LYST: variants seen among roughly 807,000 people sequenced by gnomAD.
LYST encodes the protein lysosomal trafficking regulator, also known as lysosomal-trafficking regulator.
LYST carries 192 observed loss-of-function variants against 413.6 expected under a neutral mutation model. That is an observed-to-expected ratio of 0.46 (90% CI 0.41 to 0.52). The LOEUF is 0.52. Ranked by LOEUF, LYST falls within the 20% of genes least tolerant of loss-of-function variation. The pLI, the probability that LYST is intolerant of heterozygous loss-of-function variation, is 0.00. For missense variants in LYST, 3,815 were observed against 4,499.9 expected (o/e 0.85, Z 4.35); for synonymous variants, 1,525 against 1,567.3 (o/e 0.97, Z 0.64).
At chr1:235,788,318 C>T (rs1375036023) in intron 13 of LYST, among the ~76,000 whole-genome samples, 1 of 151,930 alleles carries the variant, frequency 6.6e-6, no homozygotes, top group African/African-American at 2.4e-5. Context: ...CACCATCATG[C>T]CTGGCTAATT....
At chr1:235,867,396 G>A (rs1334744363), upstream of LYST, among the ~76,000 whole-genome samples, 2 of 152,210 alleles carry the variant, frequency 1.3e-5, no homozygotes, top group African/African-American at 2.4e-5. Context: ...GAGGGAGAAA[G>A]GGTTACCCAC....
chr1:235,730,766 T>C, intron 36 of LYST, 81 bp downstream of exon 36: 1 of 1,025,202 alleles, frequency 9.8e-7, no homozygotes, highest in South Asian at 1.3e-5. Context: ...GATGGCATTA[T>C]ATAAAATAAA....
chr1:235,775,070 C>T lies in LYST; in HGVS notation c.5477G>A (p.Ser1826Asn). ...FLFARVVELS[S>N]CEETQALALR... ...TGCTAATGCTTGAGTTTCTTCACAGCTACTGAGTTCAACAACCTAAAAAAA... is the reference window on the plus strand; with the variant it reads ...TGCTAATGCTTGAGTTTCTTCACAGTTACTGAGTTCAACAACCTAAAAAAA... Residue 1826 changes from serine (S) to asparagine (N), a missense_variant, in exon 18 of 53, where the codon AGC becomes AAC. Ser to Asn is a conservative substitution (Grantham distance 46). Transcript: ENST00000389793. 3 of 1,611,010 alleles carry T rather than the reference C, an allele frequency of 1.9e-6. No individual in the cohort carries two copies. The highest frequency in any genetic ancestry group is 2.5e-6 in the Non-Finnish European group (3 of 1,179,458).
rs145080654 is a variant in LYST at position 235,759,421 on chromosome 1, T to C, written c.6432A>G (p.Ser2144=). ...AACTCCCCAAAGAATTTTGTTTCTT[T>C]GATTGGGTGGCAACATAAGTATCTG... The part of the protein sequence containing the change: ...NIADTYVATQ[S]KKQNSLGSSD... The change falls in exon 23 of 53, where the codon TCA becomes TCG. Residue 2144 remains serine (S), a synonymous_variant. Transcript: ENST00000389793. 1.6e-4 allele frequency: 258 copies of C among 1,614,146 alleles called. No homozygotes were observed. The highest frequency in any genetic ancestry group is 2.1e-4 in the Non-Finnish European group (242 of 1,180,006).
chr1:235,718,428 C>T (rs1392541269), intron 40 of LYST, among the ~76,000 whole-genome samples: 4 of 151,612 alleles, frequency 2.6e-5, no homozygotes, highest in African/African-American at 4.9e-5. Context: ...CTGCAACCTC[C>T]GCCTCCCAAG....
At chr1:235,693,888 T>A (rs956086216) in intron 46 of LYST, among the ~76,000 whole-genome samples, 7 of 152,158 alleles carry the variant, frequency 4.6e-5, no homozygotes, top group Non-Finnish European at 8.8e-5. Context: ...AGCAGGAAGA[T>A]AACACTGCTA....
At chr1:235,696,122 C>T (rs1030191632) in intron 46 of LYST, among the ~76,000 whole-genome samples, 2 of 152,116 alleles carry the variant, frequency 1.3e-5, no homozygotes, top group African/African-American at 2.4e-5. Flanking sequence ...ATAGATAAAA[C>T]GGTATGCATC....
At chr1:235,790,424 A>C (rs894018162) in intron 12 of LYST, among the ~76,000 whole-genome samples, 1 of 152,250 alleles carries the variant, frequency 6.6e-6, no homozygotes, top group African/African-American at 2.4e-5. Context: ...CCAGCTGAGC[A>C]AAGTGACACA....
At chr1:235,722,417 G>A (rs1444212160) in intron 39 of LYST, among the ~76,000 whole-genome samples, 6 of 152,198 alleles carry the variant, frequency 3.9e-5, no homozygotes, top group African/African-American at 1.4e-4. Flanking sequence ...TGAAGGGACT[G>A]GAGGTCAAGA....
Position 235,766,122 on chromosome 1 carries a change from G to GT in LYST, c.6077dup (p.Tyr2026Ter), listed in dbSNP as rs773854714. The change falls in exon 21 of 53, where the codon TAC becomes TAAC. Residue 2026 changes from tyrosine to a stop codon, truncating the protein, a stop_gained and frameshift_variant. Transcript: ENST00000389793. LOFTEE classifies it high-confidence loss of function. ...AGAAGTTCGTGGGATTGTGACAAAC[G>GT]TAAGTATTAGTAGGAGGGTGAACTG... Reference protein sequence around the residue: ...LLAVHPPTNTYVCHNPTNFYF... With the variant: ...LLAVHPPTNT The GT allele has an allele frequency of 6.8e-6, 11 of 1,613,564 alleles. No homozygotes were observed. The highest frequency in any genetic ancestry group is 1.3e-5 in the African/African-American group (1 of 75,014).
rs1245633413 is a variant in LYST, at chr1:235,849,519, C to T, written c.-97-15852G>A. ...ATAGTACTGGAAGTCCTAGCCAGAG[C>T]AATCAGACAAGAGGAAGAAATAAAG... On this transcript the variant is annotated intron_variant, in intron 1 of 52. Transcript: ENST00000389793. 3.9e-5 allele frequency among the ~76,000 whole-genome samples: 6 copies of T among 151,964 alleles called. No homozygotes were observed. The East Asian group carries it at 1.2e-3, about 29-fold the overall frequency.
chr1:235,666,590 GCA>G (rs1214218772), intron 50 of LYST, among the ~76,000 whole-genome samples: 237 of 74,530 alleles, frequency 3.2e-3, no homozygotes, highest in African/African-American at 9.6e-3. Flanking sequence ...AGACACACAT[GCA>G]CACACACACA....
At chr1:235,842,278 G>A (rs1281752584) in intron 1 of LYST, among the ~76,000 whole-genome samples, 1 of 152,006 alleles carries the variant, frequency 6.6e-6, no homozygotes, top group Admixed American at 6.6e-5. Flanking sequence ...GGCAATCAAG[G>A]AAGTGTGGAT....
chr1:235,859,571 C>T (rs1679626786), intron 1 of LYST, among the ~76,000 whole-genome samples: 2 of 151,666 alleles, frequency 1.3e-5, no homozygotes, highest in South Asian at 4.2e-4. Flanking sequence ...GCTAATTCCA[C>T]CAAACTGAAG....
intron 16 of LYST, among the ~76,000 whole-genome samples, chr1:235,779,148 T>C (rs1669612791): frequency 6.6e-6 from 1 of 152,222 alleles, no homozygotes; most frequent in Non-Finnish European, 1.5e-5. Flanking sequence ...ATTACAGGCA[T>C]GAGCCACCGT....
chr1:235,827,324 G>T, intron 3 of LYST: 1 of 502,004 alleles, frequency 2.0e-6, no homozygotes, highest in Non-Finnish European at 2.6e-6. Context: ...AGCCATGATT[G>T]TGCCGCTGCA....
At chr1:235,862,451 T>C (rs756582599) in intron 1 of LYST, among the ~76,000 whole-genome samples, 2 of 152,160 alleles carry the variant, frequency 1.3e-5, no homozygotes, top group African/African-American at 2.4e-5. Context: ...ATAGTGTATA[T>C]AGGATTCAGT....
chr1:235,782,991 CA>C (rs1670023180), intron 14 of LYST, among the ~76,000 whole-genome samples: 1 of 152,112 alleles, frequency 6.6e-6, no homozygotes, highest in Non-Finnish European at 1.5e-5. Context: ...CTGGAAAAGG[CA>C]AAATAAGGCT....
At chr1:235,867,786 G>C (rs542621949), upstream of LYST, among the ~76,000 whole-genome samples, 19 of 152,316 alleles carry the variant, frequency 1.2e-4, no homozygotes, top group African/African-American at 4.6e-4. Context: ...GAAAAAGCCT[G>C]AACTGTAATC....
Sources: gnomAD v4.1 joint callset for allele counts (sites outside exome capture counted in the v4.1 genomes callset) on GRCh38, gnomAD v4.1.1 for gene constraint, MANE v1.5 for transcripts, NCBI Gene and HGNC (gene_info 2026-07-23, HGNC 2026-07-21) for gene names.